Variants in SEC24B observed in about 807,000 individuals in gnomAD.
The protein encoded by SEC24B is protein transport protein Sec24B.
A neutral mutation model predicts 142.8 loss-of-function variants in SEC24B; 45 were observed. The ratio of observed to expected loss-of-function variants is 0.32; its 90% CI spans 0.25 to 0.40. The LOEUF (loss-of-function observed/expected upper bound fraction) is 0.40, where lower values mean the gene tolerates loss of function less well. SEC24B is among the 10% of genes least tolerant of loss of function. SEC24B has a pLI of 1.00. For synonymous variants in SEC24B, 574 were observed against 568.2 expected (o/e 1.01, Z -0.15); for missense variants, 1,409 against 1,526.8 (o/e 0.92, Z 1.29).
chr4:109,462,972 G>A lies in SEC24B; in HGVS notation c.205G>A (p.Gly69Arg), dbSNP rs775651474. 9 of 1,613,880 alleles carry A rather than the reference G, an allele frequency of 5.6e-6. No individual in the cohort carries two copies. Among genetic ancestry groups the A allele is most frequent in the Non-Finnish European group, 7.6e-6 (9 of 1,180,014 alleles). Residue 69 changes from glycine to arginine, a missense_variant, in exon 2 of 24, where the codon GGA becomes AGA. This residue lies in a region of SEC24B where 709 missense variants were observed against 673.5 expected (regional missense o/e 1.05). Transcript: ENST00000265175. ...LHHQNYIAPSGHYSQGPGKMT... is the reference protein window; with the variant it reads ...LHHQNYIAPSRHYSQGPGKMT... ...TCATCAAAACTATATTGCTCCCTCA[G>A]GACATTACTCTCAAGGACCTGGGAA...
chr4:109,521,139 T>C lies in SEC24B; in HGVS notation c.2268T>C (p.Asp756=). Residue 756 remains aspartate, a synonymous_variant, in exon 13 of 24, where the codon GAT becomes GAC. Transcript: ENST00000265175. ...DIDDVFLPTP[D]SLLVNLYESK... ...TAGATGTTTTTCTACCTACACCGGA[T>C]AGTTTACTTGTGAATCTATATGAAA... 1 of 1,521,308 alleles carries C rather than the reference T, an allele frequency of 6.6e-7. No homozygotes were observed. Among genetic ancestry groups the C allele is most frequent in the Non-Finnish European group, 9.1e-7 (1 of 1,099,952 alleles). 94.2% of individuals were successfully genotyped at this position (1,521,308 alleles called of 1,614,324 possible).
chr4:109,466,484 C>A (rs1322318929), intron 2 of SEC24B, among the ~76,000 whole-genome samples: 1 of 152,228 alleles, frequency 6.6e-6, no homozygotes, highest in African/African-American at 2.4e-5. Context: ...CATCTCAGCT[C>A]ACTGCAAGCT....
intron 2 of SEC24B, among the ~76,000 whole-genome samples, chr4:109,471,964 A>G (rs971213055): frequency 6.6e-6 from 1 of 152,196 alleles, no homozygotes; most frequent in Non-Finnish European, 1.5e-5. Flanking sequence ...AAATATTGTG[A>G]TGATGTTTTT....
At chr4:109,495,415 A>C (rs1735440906) in intron 6 of SEC24B, among the ~76,000 whole-genome samples, 1 of 152,176 alleles carries the variant, frequency 6.6e-6, no homozygotes, top group Non-Finnish European at 1.5e-5. Context: ...GCAGCCAGGA[A>C]AATTTAGGAT....
Position 109,530,399 on chromosome 4 carries a change from T to C in SEC24B, c.3187T>C (p.Ser1063Pro). The change falls in exon 19 of 24, where the codon TCT becomes CCT. Residue 1063 changes from serine (S) to proline (P), a missense_variant. This residue lies in a region of SEC24B where 700 missense variants were observed against 853.3 expected (regional missense o/e 0.82). Transcript: ENST00000265175. ...YGSTVSNLQHSALMAPSSLKL... is the reference protein window; with the variant it reads ...YGSTVSNLQHPALMAPSSLKL... ...CTCAACTGTCTCAAATTTACAGCACTCTGCATTGATGGCGCCCAGCTCCCT... is the reference window on the plus strand; with the variant it reads ...CTCAACTGTCTCAAATTTACAGCACCCTGCATTGATGGCGCCCAGCTCCCT... 6.2e-7 allele frequency: 1 copy of C among 1,614,178 alleles called. No homozygotes were observed. The highest frequency in any genetic ancestry group is 2.2e-5 in the East Asian group (1 of 44,882).
At chr4:109,530,571 A>G in intron 19 of SEC24B, 107 bp downstream of exon 19, 1 of 909,778 alleles carries the variant, frequency 1.1e-6, no homozygotes, top group Non-Finnish European at 1.6e-6. Context: ...CTAGAGGATT[A>G]TTCACTTTAG....
chr4:109,478,212 G>A (rs539338488), intron 3 of SEC24B, among the ~76,000 whole-genome samples: 1 of 152,086 alleles, frequency 6.6e-6, no homozygotes, highest in Admixed American at 6.5e-5. Context: ...CTTGAACCGG[G>A]GAGGCAGAGG....
intron 17 of SEC24B, 26 bp downstream of exon 17, chr4:109,526,425 G>C (rs1013911484): frequency 6.5e-7 from 1 of 1,547,888 alleles, no homozygotes; most frequent in Non-Finnish European, 8.8e-7. Flanking sequence ...ATGAAATATA[G>C]TCTGCAGCAG....
chr4:109,516,485 A>AT, intron 10 of SEC24B, 43 bp from the exon 11 acceptor site: 1 of 1,217,166 alleles, frequency 8.2e-7, no homozygotes, highest in Non-Finnish European at 1.2e-6. Flanking sequence ...AAAAGAATAA[A>AT]TTGTACCTAC....
chr4:109,493,174 C>G (rs570462287), intron 5 of SEC24B, among the ~76,000 whole-genome samples: 7 of 151,980 alleles, frequency 4.6e-5, no homozygotes, highest in Non-Finnish European at 7.4e-5. Context: ...TGGGAGGTTA[C>G]CAGAAAGCCA....
At chr4:109,496,259 C>T (rs1032581760) in intron 6 of SEC24B, among the ~76,000 whole-genome samples, 1 of 151,956 alleles carries the variant, frequency 6.6e-6, no homozygotes, top group African/African-American at 2.4e-5. Context: ...ATTACAGGTG[C>T]CCACCACCAT....
intron 15 of SEC24B, 104 bp downstream of exon 15, chr4:109,525,045 C>A: frequency 9.6e-7 from 1 of 1,042,222 alleles, no homozygotes; most frequent in Non-Finnish European, 1.4e-6. Context: ...GGGAGAAAAG[C>A]ATGTGCATTA....
chr4:109,509,282 G>A lies in SEC24B; in HGVS notation c.1674-727G>A, dbSNP rs115841874. On this transcript the variant is annotated intron_variant, in intron 7 of 23. Coordinates refer to ENST00000265175, the MANE Select transcript of SEC24B (RefSeq NM_006323.5). ...ATAGATATCTCTACATGATATTAAC[G>A]ACTCTTCATAAAATTTCTTGCCTGG... 8.7e-3 allele frequency among the ~76,000 whole-genome samples: 1,320 copies of A among 152,276 alleles called. 24 individuals are homozygous for A. Among genetic ancestry groups the A allele is most frequent in the African/African-American group, 0.03 (1,260 of 41,556 alleles).
intron 1 of SEC24B, among the ~76,000 whole-genome samples, chr4:109,444,377 A>G (rs1027812917): frequency 2.0e-5 from 3 of 152,014 alleles, no homozygotes; most frequent in African/African-American, 7.2e-5. Context: ...GGTGTTAGTA[A>G]TGAATTAGAG....
chr4:109,518,811 T>C (rs1723269852), intron 11 of SEC24B, among the ~76,000 whole-genome samples: 2 of 148,566 alleles, frequency 1.3e-5, no homozygotes, highest in South Asian at 4.3e-4. Flanking sequence ...GTCTTTTTTT[T>C]TTTTTTTTTT....
chr4:109,441,229 C>T (rs1728900226), intron 1 of SEC24B, among the ~76,000 whole-genome samples: 1 of 152,096 alleles, frequency 6.6e-6, no homozygotes, highest in Admixed American at 6.6e-5. Context: ...ATAAGCCTGG[C>T]TTTGGAACCA....
At position 109,473,065 on chromosome 4, in the gene SEC24B, G is replaced by A. The variant is rs750014933; in HGVS notation, c.939G>A (p.Val313=). 3 of 1,604,684 alleles carry A rather than the reference G, an allele frequency of 1.9e-6. No homozygotes were observed. Among genetic ancestry groups the A allele is most frequent in the Non-Finnish European group, 1.7e-6 (2 of 1,175,648 alleles). Residue 313 remains valine (V), a synonymous_variant, in exon 3 of 24, where the codon GTG becomes GTA. Coordinates refer to ENST00000265175, the MANE Select transcript of SEC24B (RefSeq NM_006323.5). ...QNVQPPKSSP[V]VSTVLSGSSG... ...TTCAGCCTCCCAAGTCCAGCCCAGT[G>A]GTATCCACTGTTTTATCAGGATCCT... is the stretch of plus-strand genomic sequence containing the variant.
At chr4:109,446,681 G>C (rs1012756128) in intron 1 of SEC24B, among the ~76,000 whole-genome samples, 1 of 152,062 alleles carries the variant, frequency 6.6e-6, no homozygotes, top group Non-Finnish European at 1.5e-5. Context: ...AGTGTAACAC[G>C]CCAAAGCAGA....
chr4:109,525,283 A>G, intron 15 of SEC24B, 63 bp from the exon 16 acceptor site: 1 of 1,346,328 alleles, frequency 7.4e-7, no homozygotes, highest in African/African-American at 1.5e-5. Context: ...AATCTGTACT[A>G]CTGTTGGACA....
Sources: gnomAD v4.1 joint callset for allele counts (sites outside exome capture counted in the v4.1 genomes callset) on GRCh38, gnomAD v4.1.1 for gene constraint, gnomAD v4.1.1 regional missense constraint, MANE v1.5 for transcripts, NCBI Gene and HGNC (gene_info 2026-07-23, HGNC 2026-07-21) for gene names.